The following CELF1 variants were observed in gnomAD, a reference collection of about 807,000 sequenced individuals.
CELF1 encodes the protein 50 kDa nuclear polyadenylated RNA-binding protein.
Under a neutral mutation model 61.8 loss-of-function variants are expected in CELF1, and 10 were observed. The observed-to-expected ratio is 0.16, with a 90% CI of 0.10 to 0.27. The LOEUF is 0.27. CELF1 is among the 10% of genes least tolerant of loss of function. The probability of loss-of-function intolerance (pLI) is 1.00; values close to 1 mark genes in which losing one functional copy is unlikely to be tolerated. For missense variants in CELF1, 380 were observed against 639.1 expected, an observed-to-expected ratio of 0.59 and a Z score of 4.37; for synonymous variants, 236 against 225.1, an observed-to-expected ratio of 1.05 and a Z score of -0.43.
intron 12 of CELF1, among the ~76,000 whole-genome samples, chr11:47,476,019 A>C (rs1317697189): frequency 1.4e-5 from 2 of 139,448 alleles, no homozygotes; most frequent in Non-Finnish European, 3.1e-5. Context: ...TTTTTTTTGG[A>C]GACAGAGTCT....
At chr11:47,504,833 C>T (rs1224450350) in intron 1 of CELF1, among the ~76,000 whole-genome samples, 5 of 143,406 alleles carry the variant, frequency 3.5e-5, no homozygotes, top group Admixed American at 2.2e-4. Flanking sequence ...ACCCAGGAGG[C>T]GGAGGTTGCA....
chr11:47,474,794 A>T (rs886699923), intron 13 of CELF1, among the ~76,000 whole-genome samples: 74 of 152,206 alleles, frequency 4.9e-4, no homozygotes, highest in African/African-American at 1.5e-3. Flanking sequence ...CTTTCTGGCT[A>T]AAGAGTCTCT....
intron 1 of CELF1, among the ~76,000 whole-genome samples, chr11:47,549,174 G>A (rs1369346894): frequency 6.6e-6 from 1 of 152,068 alleles, no homozygotes; most frequent in Non-Finnish European, 1.5e-5. Flanking sequence ...GTAAAATGGT[G>A]CAACTGCTAT....
chr11:47,511,719 G>C (rs117565475), intron 1 of CELF1, among the ~76,000 whole-genome samples: 5 of 152,164 alleles, frequency 3.3e-5, no homozygotes, highest in Non-Finnish European at 5.9e-5. Context: ...AAGATACAGA[G>C]ATGAAATGAC....
At chr11:47,473,997 CCCGGGTTCAAGCAATTCT>C (rs1216225702) in intron 13 of CELF1, among the ~76,000 whole-genome samples, 4 of 152,082 alleles carry the variant, frequency 2.6e-5, no homozygotes, top group Non-Finnish European at 5.9e-5. Context: ...ACCTCCGCCT[CCCGGGTTCAAGCAATTCT>C]CCTGCCTCAG....
At chr11:47,474,119 G>A (rs1052784193) in intron 13 of CELF1, among the ~76,000 whole-genome samples, 5 of 152,108 alleles carry the variant, frequency 3.3e-5, no homozygotes, top group African/African-American at 4.8e-5. Flanking sequence ...GGCTGGTCTC[G>A]AACTCCTGAT....
intron 3 of CELF1, chr11:47,494,521 T>C: frequency 4.1e-6 from 4 of 979,140 alleles, no homozygotes; most frequent in Non-Finnish European, 3.6e-6. Context: ...TTTCAAAGTA[T>C]GTATTTGTTC....
intron 6 of CELF1, 106 bp downstream of exon 6, chr11:47,486,644 G>A: frequency 1.1e-6 from 1 of 871,062 alleles, no homozygotes; most frequent in East Asian, 2.4e-5. Flanking sequence ...CCGGCCTCAA[G>A]CAATCCATCT....
At chr11:47,555,930 ACGGTGGTTGCAGTGAGT>A (rs1038008264), upstream of CELF1, among the ~76,000 whole-genome samples, 1 of 148,476 alleles carries the variant, frequency 6.7e-6, no homozygotes, top group Non-Finnish European at 1.5e-5. Flanking sequence ...AACTTGGGAG[ACGGTGGTTGCAGTGAGT>A]CGAGATCGAA....
At position 47,484,486 on chromosome 11, in the gene CELF1, G is replaced by A; in HGVS notation, c.429C>T (p.Ser143=). The A allele has an allele frequency of 1.2e-6, 2 of 1,613,084 alleles. No individual in the cohort carries two copies. The highest frequency in any genetic ancestry group is 1.7e-6 in the Non-Finnish European group (2 of 1,179,604). Residue 143 remains serine, a synonymous_variant, in exon 7 of 15, where the codon TCC becomes TCT. Coordinates refer to ENST00000687097, the MANE Select transcript of CELF1 (RefSeq NM_001376376.1). ...EDRKLFIGMI[S]KKCTENDIRV... is the part of the protein sequence containing the mutation. The stretch of plus-strand genomic sequence containing the variant: ...GGATGTCATTTTCAGTGCACTTCTT[G>A]GAAATCATACCAATAAACAGCTTCC...
Position 47,483,544 on chromosome 11 carries a change from A to G in CELF1, c.527-12T>C. 6.2e-7 allele frequency: 1 copy of G among 1,605,158 alleles called. No homozygotes were observed. Among genetic ancestry groups the G allele is most frequent in the Non-Finnish European group, 8.5e-7 (1 of 1,171,848 alleles). ...CACAAATGCACAACCTGGTAAGAGA[A>G]GAGTCAGTAACTCATGCATTCATTT... is the stretch of plus-strand genomic sequence containing the variant. On this transcript the variant is annotated splice_polypyrimidine_tract_variant and intron_variant, in intron 7 of 14. Transcript: ENST00000687097.
chr11:47,521,887 C>T (rs1310079997), intron 1 of CELF1, among the ~76,000 whole-genome samples: 1 of 151,650 alleles, frequency 6.6e-6, no homozygotes, highest in South Asian at 2.1e-4. Context: ...TGTAGTTTCA[C>T]TTTTTAAAAT....
chr11:47,484,830 C>T (rs1011486476), intron 6 of CELF1, among the ~76,000 whole-genome samples: 12 of 152,204 alleles, frequency 7.9e-5, no homozygotes, highest in African/African-American at 2.9e-4. Context: ...AGGCATGCGC[C>T]AAAATGCCTG....
intron 8 of CELF1, among the ~76,000 whole-genome samples, chr11:47,483,091 C>A (rs1010123044): frequency 4.9e-5 from 7 of 142,162 alleles, no homozygotes; most frequent in African/African-American, 2.4e-5. Context: ...GCAAAACGGT[C>A]GCTATTAAAA....
chr11:47,500,553 AC>A (rs910279222), intron 2 of CELF1, among the ~76,000 whole-genome samples: 2 of 152,228 alleles, frequency 1.3e-5, no homozygotes, highest in African/African-American at 2.4e-5. Context: ...ACCAGGGACA[AC>A]ACTCAAACAT....
intron 6 of CELF1, among the ~76,000 whole-genome samples, chr11:47,485,498 T>C (rs2086216062): frequency 6.6e-6 from 1 of 152,198 alleles, no homozygotes. Context: ...CTGGCAATAC[T>C]ACTAAAGAAA....
chr11:47,530,777 G>A (rs2096443139), intron 1 of CELF1, among the ~76,000 whole-genome samples: 1 of 151,098 alleles, frequency 6.6e-6, no homozygotes, highest in South Asian at 2.1e-4. Context: ...CAACACAGGG[G>A]GACCCTGTCT....
chr11:47,476,839 C>T lies in CELF1; in HGVS notation c.1087+7G>A, dbSNP rs1446313314. 2 of 1,606,632 alleles carry T rather than the reference C, an allele frequency of 1.2e-6. No individual in the cohort carries two copies. The highest frequency in any genetic ancestry group is 1.7e-6 in the Non-Finnish European group (2 of 1,173,174). ...TAGTCTGATGACAGCCAGGTGCTGC[C>T]CCTTACCTGCCAAAGAGCCAACATT... On this transcript the variant is annotated splice_region_variant and intron_variant, in intron 12 of 14. Coordinates refer to ENST00000687097, the MANE Select transcript of CELF1 (RefSeq NM_001376376.1).
At position 47,482,615 on chromosome 11, in the gene CELF1, T is replaced by G. The variant is rs2153438152; in HGVS notation, c.768+80A>C. The G allele has an allele frequency of 2.9e-6, 4 of 1,384,486 alleles. No individual in the cohort carries two copies. In the South Asian group the frequency reaches 5.5e-5, roughly 19 times the overall value. 85.8% of individuals were successfully genotyped at this position (1,384,486 alleles called of 1,614,324 possible). ...ATGCCAAAAGTTGTAAATGCCACTG[T>G]GTTTGTTGGCTAGGGACAGCAGAAG... On this transcript the variant is annotated intron_variant, in intron 9 of 14. Coordinates refer to ENST00000687097, the MANE Select transcript of CELF1 (RefSeq NM_001376376.1).
Sources: gnomAD v4.1 joint callset for allele counts (sites outside exome capture counted in the v4.1 genomes callset) on GRCh38, gnomAD v4.1.1 for gene constraint, MANE v1.5 for transcripts, NCBI Gene and HGNC (gene_info 2026-07-23, HGNC 2026-07-21) for gene names.